Variants in ABCG2 observed in about 807,000 individuals in gnomAD.
The protein encoded by ABCG2 is broad substrate specificity ATP-binding cassette transporter ABCG2.
A neutral mutation model predicts 73.5 loss-of-function variants in ABCG2; 80 were observed. That is an observed-to-expected ratio of 1.09 (90% CI 0.91 to 1.31). ABCG2 has a LOEUF of 1.31. ABCG2 is among the 50% of genes most tolerant of loss of function. ABCG2 has a pLI of 0.00. For missense variants in ABCG2, 796 were observed against 786.2 expected, an observed-to-expected ratio of 1.01 and a Z score of -0.15; for synonymous variants, 269 against 282.4, an observed-to-expected ratio of 0.95 and a Z score of 0.48.
intron 1 of ABCG2, among the ~76,000 whole-genome samples, chr4:88,205,746 G>C (rs775630036): frequency 6.6e-6 from 1 of 152,012 alleles, no homozygotes; most frequent in Non-Finnish European, 1.5e-5. Flanking sequence ...GCAGTGGCGC[G>C]ATCTCAGCTC....
intron 1 of ABCG2, among the ~76,000 whole-genome samples, chr4:88,198,167 A>C (rs1484221354): frequency 6.6e-6 from 1 of 151,918 alleles, no homozygotes; most frequent in Non-Finnish European, 1.5e-5. Flanking sequence ...CCCCGTCTCT[A>C]CTAAAAATAC....
rs762221355 is a variant in ABCG2 at position 88,113,330 on chromosome 4, C to T, written c.1167G>A (p.Leu389=). The change falls in exon 9 of 16, where the codon CTG becomes CTA. Residue 389 remains leucine, a synonymous_variant. Transcript: ENST00000237612. ...WVSKRSFKNL[L]GNPQASIAQI... ...GAGCTATAGAGGCCTGGGGATTACC[C>T]AGCAAGTTTTTGAATGAACGCTTGG... 6.2e-7 allele frequency: 1 copy of T among 1,614,038 alleles called. No individual in the cohort carries two copies. The highest frequency in any genetic ancestry group is 1.3e-5 in the African/African-American group (1 of 74,920).
intron 5 of ABCG2, among the ~76,000 whole-genome samples, chr4:88,130,542 C>T (rs184689838): frequency 2.8e-4 from 42 of 152,054 alleles, no homozygotes; most frequent in African/African-American, 8.9e-4. Flanking sequence ...AAAACCATCC[C>T]CCCTACCCTG....
chr4:88,151,343 C>T (rs1045505591), intron 1 of ABCG2, among the ~76,000 whole-genome samples: 4 of 152,170 alleles, frequency 2.6e-5, no homozygotes, highest in African/African-American at 9.7e-5. Context: ...TGCCTACAAC[C>T]CAGTCCTTGT....
intron 12 of ABCG2, 87 bp from the exon 13 acceptor site, chr4:88,097,694 T>C: frequency 7.2e-7 from 1 of 1,389,578 alleles, no homozygotes; most frequent in Non-Finnish European, 9.8e-7. Context: ...TTAACACTAA[T>C]ATTTTGAGAA....
chr4:88,126,857 A>G (rs975137440), intron 5 of ABCG2, among the ~76,000 whole-genome samples: 1 of 152,216 alleles, frequency 6.6e-6, no homozygotes, highest in African/African-American at 2.4e-5. Flanking sequence ...TTCCCTTTGA[A>G]AACCGGCACA....
At chr4:88,159,064 C>A (rs772804581), upstream of ABCG2, 380 of 448,452 alleles carry the variant, frequency 8.5e-4, 1 homozygote, top group Non-Finnish European at 1.5e-3. Flanking sequence ...AGGACTGGTA[C>A]CACCGCCCTC....
intron 1 of ABCG2, among the ~76,000 whole-genome samples, chr4:88,230,382 G>A (rs1303275392): frequency 2.7e-5 from 4 of 146,704 alleles, no homozygotes; most frequent in East Asian, 2.0e-4. Flanking sequence ...CGCCGCACCC[G>A]GCCATATTTT....
intron 1 of ABCG2, among the ~76,000 whole-genome samples, chr4:88,145,093 C>CT (rs548328875): frequency 1.8e-4 from 27 of 149,508 alleles, no homozygotes; most frequent in Non-Finnish European, 2.4e-4. Context: ...TCTACTCTTC[C>CT]TTTTTTTTTT....
chr4:88,145,602 T>C (rs992471507), intron 1 of ABCG2, among the ~76,000 whole-genome samples: 1 of 152,128 alleles, frequency 6.6e-6, no homozygotes, highest in Non-Finnish European at 1.5e-5. Flanking sequence ...CTGAGGCCTT[T>C]TAATCAGGAA....
intron 1 of ABCG2, among the ~76,000 whole-genome samples, chr4:88,187,283 A>T (rs1000946004): frequency 2.6e-5 from 4 of 151,938 alleles, no homozygotes; most frequent in Admixed American, 1.3e-4. Flanking sequence ...TAAAATAACT[A>T]AAAAAATATA....
chr4:88,098,765 T>C (rs1418433302), intron 12 of ABCG2, among the ~76,000 whole-genome samples: 4 of 152,166 alleles, frequency 2.6e-5, no homozygotes, highest in African/African-American at 9.7e-5. Flanking sequence ...ATTCTTTCCA[T>C]GTTTGTGTAT....
In ABCG2 at chr4:88,183,594, A is replaced by G. The variant is rs115574221; in HGVS notation, c.-19-43580T>C. 7.5e-3 allele frequency among the ~76,000 whole-genome samples: 1,144 copies of G among 152,304 alleles called. 16 individuals carry two copies. The highest frequency in any genetic ancestry group is 0.026 in the African/African-American group (1,073 of 41,570). On this transcript the variant is annotated intron_variant, in intron 1 of 15. Coordinates refer to the ABCG2 transcript ENST00000515655. ...AATAAAAAGTCTCCTAGCAAAGAAA[A>G]GCTCAGAACCCAATGACTTCACTGC...
chr4:88,177,084 A>C (rs1728018570), intron 1 of ABCG2, among the ~76,000 whole-genome samples: 1 of 152,208 alleles, frequency 6.6e-6, no homozygotes, highest in South Asian at 2.1e-4. Flanking sequence ...TTTATATAAA[A>C]ATGAATGGCC....
At chr4:88,109,785 G>C (rs1335074371) in intron 9 of ABCG2, among the ~76,000 whole-genome samples, 1 of 152,150 alleles carries the variant, frequency 6.6e-6, no homozygotes, top group South Asian at 2.1e-4. Context: ...TATCAGTAGA[G>C]AGTCATAAAA....
chr4:88,198,424 G>C (rs1000294809), intron 1 of ABCG2, among the ~76,000 whole-genome samples: 3 of 152,112 alleles, frequency 2.0e-5, no homozygotes, highest in Non-Finnish European at 4.4e-5. Flanking sequence ...GTTGAAGCTA[G>C]GAGTTCAAGA....
chr4:88,113,635 A>G, intron 8 of ABCG2, 82 bp from the exon 9 acceptor site: 1 of 1,517,632 alleles, frequency 6.6e-7, no homozygotes, highest in Non-Finnish European at 8.9e-7. Context: ...CCTTTCTTGG[A>G]TGCTTCCCTA....
chr4:88,180,967 CA>C (rs1728209843), intron 1 of ABCG2, among the ~76,000 whole-genome samples: 1 of 151,842 alleles, frequency 6.6e-6, no homozygotes, highest in Admixed American at 6.6e-5. Context: ...CTTTTCAAGA[CA>C]TAAAAAGTGC....
At chr4:88,206,351 C>T (rs1000507889) in intron 1 of ABCG2, 1 of 152,048 alleles carries the variant, frequency 6.6e-6, no homozygotes, top group Admixed American at 6.6e-5. Context: ...CATCCTGATA[C>T]TACACAGCCT....
Sources: allele counts gnomAD v4.1 joint callset (sites outside exome capture counted in the v4.1 genomes callset), GRCh38; gene constraint gnomAD v4.1.1; transcripts MANE v1.5; gene names NCBI Gene and HGNC (gene_info 2026-07-23, HGNC 2026-07-21).